The following CLIC5 variants were observed in gnomAD, a reference collection of about 807,000 sequenced individuals.
CLIC5 encodes chloride intracellular channel protein 5.
A neutral mutation model predicts 24.7 loss-of-function variants in CLIC5; 20 were observed. That is an observed-to-expected ratio of 0.81 (90% CI 0.57 to 1.18). The LOEUF (loss-of-function observed/expected upper bound fraction) is 1.18, where lower values mean the gene tolerates loss of function less well. Ranked by LOEUF, CLIC5 falls within the 50% of genes most tolerant of loss-of-function variation. The pLI is 0.00. For missense variants in CLIC5, 341 were observed against 326.1 expected, an observed-to-expected ratio of 1.05 and a Z score of -0.35; for synonymous variants, 159 against 135.6, an observed-to-expected ratio of 1.17 and a Z score of -1.20.
intron 5 of CLIC5, among the ~76,000 whole-genome samples, chr6:45,910,746 C>T (rs1445895998): frequency 6.6e-6 from 1 of 152,256 alleles, no homozygotes; most frequent in South Asian, 2.1e-4. Context: ...TTTTGTGATG[C>T]TGGGGCTAGG....
At chr6:45,958,103 A>G (rs1357646474) in intron 1 of CLIC5, among the ~76,000 whole-genome samples, 1 of 152,096 alleles carries the variant, frequency 6.6e-6, no homozygotes, top group Non-Finnish European at 1.5e-5. Flanking sequence ...ATGAGGTCAT[A>G]TTGGATTAGA....
intron 1 of CLIC5, among the ~76,000 whole-genome samples, chr6:46,053,193 C>CTGAT (rs550962279): frequency 2.2e-4 from 33 of 152,158 alleles, no homozygotes; most frequent in Non-Finnish European, 4.0e-4. Context: ...AGGGCAGGGC[C>CTGAT]TGATACACAT....
intron 1 of CLIC5, among the ~76,000 whole-genome samples, chr6:45,973,501 T>TTTTG (rs144389082): frequency 1.8e-4 from 28 of 152,292 alleles, no homozygotes; most frequent in Middle Eastern, 3.4e-3. Flanking sequence ...TTGTGGGTGT[T>TTTTG]TTTGTTTGTT....
At chr6:45,978,199 A>C (rs1279922609) in intron 1 of CLIC5, among the ~76,000 whole-genome samples, 1 of 152,208 alleles carries the variant, frequency 6.6e-6, no homozygotes, top group Non-Finnish European at 1.5e-5. Context: ...TAACTGCTCA[A>C]TAAACAGCAT....
intron 1 of CLIC5, among the ~76,000 whole-genome samples, chr6:46,068,422 C>T (rs1440147899): frequency 4.6e-5 from 7 of 152,120 alleles, no homozygotes; most frequent in Admixed American, 2.6e-4. Context: ...CTGGGGGTAA[C>T]TTATTTCCTC....
intron 1 of CLIC5, among the ~76,000 whole-genome samples, chr6:45,975,714 A>G (rs953521338): frequency 1.5e-4 from 23 of 152,330 alleles, no homozygotes; most frequent in African/African-American, 4.1e-4. Context: ...GTTACCTGTC[A>G]ATCTCTAAGG....
In CLIC5 at chr6:45,972,602, C is replaced by A. The variant is rs73738316; in HGVS notation, c.64-17358G>T. On this transcript the variant is annotated intron_variant, in intron 1 of 5. Transcript: ENST00000339561. ...TCAAAGTAGGTCCACAGACCAGCAA[C>A]ATCAGCATCCTTTAGGAGCTCATTA... Among the ~76,000 whole-genome samples the A allele has an allele frequency of 6.3e-3, 963 of 152,350 alleles. 10 individuals are homozygous for A. Among genetic ancestry groups the A allele is most frequent in the African/African-American group, 0.021 (890 of 41,574 alleles).
intron 4 of CLIC5, chr6:45,918,920 G>A (rs976152358): frequency 2.0e-6 from 2 of 982,916 alleles, no homozygotes; most frequent in Non-Finnish European, 1.2e-6. Context: ...TGAAGAAACT[G>A]AGTCTTAGAC....
chr6:45,915,647 G>A (rs1763002257), intron 4 of CLIC5, among the ~76,000 whole-genome samples: 2 of 152,158 alleles, frequency 1.3e-5, no homozygotes, highest in South Asian at 4.1e-4. Flanking sequence ...ACACCCAAAG[G>A]AACATAACAT....
intron 3 of CLIC5, among the ~76,000 whole-genome samples, chr6:45,948,230 A>G (rs919876134): frequency 5.3e-5 from 8 of 152,192 alleles, no homozygotes; most frequent in African/African-American, 1.9e-4. Context: ...GGTGGTTTTT[A>G]GTAGTCAAAT....
At chr6:46,077,470 G>C (rs934399821) in intron 1 of CLIC5, among the ~76,000 whole-genome samples, 3 of 151,906 alleles carry the variant, frequency 2.0e-5, no homozygotes, top group African/African-American at 7.3e-5. Context: ...CCCTTCCACA[G>C]AGCAGGGAAG....
chr6:45,929,669 C>G (rs1376247863), intron 4 of CLIC5, among the ~76,000 whole-genome samples: 1 of 152,196 alleles, frequency 6.6e-6, no homozygotes. Context: ...GGCCTGACCA[C>G]CCAGGAGCCT....
intron 1 of CLIC5, among the ~76,000 whole-genome samples, chr6:45,978,113 T>G (rs1375395023): frequency 2.0e-5 from 3 of 152,232 alleles, no homozygotes; most frequent in Non-Finnish European, 4.4e-5. Flanking sequence ...AGTAGAAATA[T>G]GGTGTGGTAC....
At chr6:45,909,243 C>T (rs1362971479) in intron 5 of CLIC5, among the ~76,000 whole-genome samples, 1 of 152,046 alleles carries the variant, frequency 6.6e-6, no homozygotes, top group Non-Finnish European at 1.5e-5. Context: ...AATTGCCACT[C>T]TATGTCTTTC....
intron 1 of CLIC5, among the ~76,000 whole-genome samples, chr6:46,073,867 T>C (rs150322652): frequency 5.3e-4 from 80 of 152,342 alleles, no homozygotes; most frequent in African/African-American, 1.7e-3. Flanking sequence ...TCCAGCTTCA[T>C]TTATCTCATT....
intron 6 of CLIC5, chr6:45,881,250 T>C (rs1236585656): frequency 5.0e-6 from 2 of 398,004 alleles, no homozygotes; most frequent in South Asian, 1.3e-4. Context: ...AGAGGTTACA[T>C]ATGGAGCCAA....
At chr6:45,931,050 AAGAAGAATAATATTTC>A (rs1359381097) in intron 4 of CLIC5, among the ~76,000 whole-genome samples, 123 of 152,340 alleles carry the variant, frequency 8.1e-4, no homozygotes, top group Middle Eastern at 3.4e-3. Context: ...AAAAAGTCAA[AAGAAGAATAATATTTC>A]ATGAAGTGAG....
chr6:46,086,501 C>T, the CLIC5 span, among the ~76,000 whole-genome samples: 34 of 152,220 alleles, frequency 2.2e-4, no homozygotes, highest in Non-Finnish European at 2.6e-4. Context: ...GGAGAGTAAT[C>T]CTGATTGGAT....
At position 46,062,649 on chromosome 6, in the gene CLIC5, T is replaced by C. The variant is rs117833528; in HGVS notation, c.540+17054A>G. Among the ~76,000 whole-genome samples the C allele has an allele frequency of 5.6e-4, 86 of 152,324 alleles. 3 individuals are homozygous for C. In the East Asian group the frequency reaches 0.014, roughly 25 times the overall value. On this transcript the variant is annotated intron_variant, in intron 1 of 5. Coordinates refer to the CLIC5 transcript ENST00000185206. ...CACTTGGTTCCATGCCTGAAACACA[T>C]GCTTCATGCACAGGGAGAGTCTGTC... is the stretch of plus-strand genomic sequence containing the variant.
Sources: allele counts gnomAD v4.1 joint callset (sites outside exome capture counted in the v4.1 genomes callset), GRCh38; gene constraint gnomAD v4.1.1; transcripts MANE v1.5; gene names NCBI Gene and HGNC (gene_info 2026-07-23, HGNC 2026-07-21).